KDM3B: variants seen among roughly 807,000 people sequenced by gnomAD.
The protein encoded by KDM3B is lysine-specific demethylase 3B.
In KDM3B, 10 loss-of-function variants were observed where a neutral mutation model predicts 170.0. That is an observed-to-expected ratio of 0.06 (90% CI 0.04 to 0.10). KDM3B has a LOEUF of 0.10. Ranked by LOEUF, KDM3B falls within the 10% of genes least tolerant of loss-of-function variation. The probability of loss-of-function intolerance (pLI) is 1.00; values close to 1 mark genes in which losing one functional copy is unlikely to be tolerated. For synonymous variants in KDM3B, 831 were observed against 834.8 expected, an observed-to-expected ratio of 1.00 and a Z score of 0.08; for missense variants, 1,394 against 2,195.2, an observed-to-expected ratio of 0.64 and a Z score of 7.29.
In KDM3B at chr5:138,436,097, A is replaced by C; in HGVS notation, c.*397A>C. On this transcript the variant is annotated 3_prime_UTR_variant, in exon 24 of 24. Coordinates refer to ENST00000314358, the MANE Select transcript of KDM3B (RefSeq NM_016604.4). ...ATAGGGGAAATCACATAACTGGTAC[A>C]AGTATGGGGTAATTGCTTAAACATG... The C allele has an allele frequency of 4.8e-6, 1 of 210,470 alleles. No individual in the cohort carries two copies. Among genetic ancestry groups the C allele is most frequent in the South Asian group, 7.7e-5 (1 of 12,924 alleles). The allele number at this position is 210,470 out of a possible 1,614,324, so 13.0% of individuals were successfully genotyped here. A position where few individuals can be genotyped will look rare whatever the true frequency, so the allele number is the denominator to read the frequency against.
chr5:138,398,029 C>T, intron 9 of KDM3B, 149 bp from the exon 10 acceptor site: 1 of 604,464 alleles, frequency 1.7e-6, no homozygotes, highest in South Asian at 2.1e-5. Flanking sequence ...TTACTATTAG[C>T]AGAGAATGCA....
chr5:138,400,025 T>G lies in KDM3B; in HGVS notation c.3199+13T>G, dbSNP rs775580179. The stretch of plus-strand genomic sequence containing the variant: ...CGGCCACGCAGTGGTAAGTAAACAT[T>G]GTCCTGTGTAGCTCGAAAGGTAACG... On this transcript the variant is annotated intron_variant, in intron 11 of 23. Transcript: ENST00000314358. 6.2e-7 allele frequency: 1 copy of G among 1,613,658 alleles called. No homozygotes were observed. The highest frequency in any genetic ancestry group is 1.7e-5 in the Admixed American group (1 of 59,990).
intron 1 of KDM3B, among the ~76,000 whole-genome samples, chr5:138,360,890 C>A (rs764520423): frequency 2.6e-5 from 4 of 152,178 alleles, no homozygotes; most frequent in Non-Finnish European, 4.4e-5. Flanking sequence ...CCACGCCCGG[C>A]CATTAATTTC....
rs766058978 is a variant in KDM3B, at chr5:138,424,210, G to A, written c.4108G>A (p.Val1370Met). ...TDTQKEVKEM[V>M]MGLNVLDPHT... ...TACCCAGAAGGAAGTGAAGGAGATG[G>A]TGATGGGGTTAAATGTGCTAGATCC... The change falls in exon 16 of 24, where the codon GTG (valine) becomes ATG (methionine). Residue 1370 changes from valine (V) to methionine (M), a missense_variant. Physicochemically the swap from Val to Met is conservative, Grantham distance 21. Transcript: ENST00000314358. 1.2e-6 allele frequency: 2 copies of A among 1,614,054 alleles called. No individual in the cohort carries two copies. Among genetic ancestry groups the A allele is most frequent in the African/African-American group, 1.3e-5 (1 of 74,908 alleles).
intron 6 of KDM3B, among the ~76,000 whole-genome samples, chr5:138,384,740 C>CA (rs58389517): frequency 0.013 from 1,065 of 85,050 alleles, 10 homozygotes; most frequent in Non-Finnish European, 0.016. Context: ...ACTCTTGTCT[C>CA]AAAAAAAAAA....
At chr5:138,379,117 A>G (rs1264292462) in intron 4 of KDM3B, among the ~76,000 whole-genome samples, 1 of 152,172 alleles carries the variant, frequency 6.6e-6, no homozygotes, top group Non-Finnish European at 1.5e-5. Context: ...ACTGTTATTG[A>G]AAGTCAGATA....
chr5:138,419,410 C>CT (rs1379312828), intron 14 of KDM3B, among the ~76,000 whole-genome samples, 178 bp downstream of exon 14: 4 of 152,038 alleles, frequency 2.6e-5, no homozygotes, highest in African/African-American at 9.7e-5. Flanking sequence ...AATCCCAGCA[C>CT]TTTGGGAGGC....
At chr5:138,416,579 ACT>A (rs1455260357) in intron 12 of KDM3B, among the ~76,000 whole-genome samples, 1 of 125,022 alleles carries the variant, frequency 8.0e-6, no homozygotes, top group African/African-American at 3.1e-5. Context: ...ATACGGTGAG[ACT>A]CTGTCTCAAA....
chr5:138,414,006 T>C (rs571253635), intron 11 of KDM3B, among the ~76,000 whole-genome samples: 31 of 152,262 alleles, frequency 2.0e-4, no homozygotes, highest in African/African-American at 5.1e-4. Context: ...TTATGATACA[T>C]TGCTGCCATG....
intron 11 of KDM3B, among the ~76,000 whole-genome samples, chr5:138,407,161 T>C (rs891194456): frequency 1.3e-5 from 2 of 151,950 alleles, no homozygotes; most frequent in Non-Finnish European, 2.9e-5. Flanking sequence ...AATTTCTGTA[T>C]TTTTAGTAGA....
chr5:138,360,411 C>G (rs769646322), intron 1 of KDM3B, among the ~76,000 whole-genome samples: 40 of 152,088 alleles, frequency 2.6e-4, no homozygotes, highest in Admixed American at 5.2e-4. Context: ...TAAGCACACT[C>G]ATCATCTTAA....
chr5:138,415,279 T>C (rs1763073313), intron 12 of KDM3B, 40 bp downstream of exon 12: 1 of 1,410,338 alleles, frequency 7.1e-7, no homozygotes, highest in Non-Finnish European at 1.0e-6. Flanking sequence ...GAAGAAATGT[T>C]TTTAGTTGAG....
chr5:138,419,700 T>TAC (rs1217165992), intron 14 of KDM3B, among the ~76,000 whole-genome samples: 2 of 124,092 alleles, frequency 1.6e-5, no homozygotes, highest in Non-Finnish European at 3.3e-5. Flanking sequence ...CATATATATA[T>TAC]ACACACACAC....
rs772627238 is a variant in KDM3B at position 138,425,595 on chromosome 5, C to T, written c.4411+13C>T. On this transcript the variant is annotated intron_variant, in intron 17 of 23. Coordinates refer to ENST00000314358, the MANE Select transcript of KDM3B (RefSeq NM_016604.4). ...GAGATCATATGCAGTAAGTAGCTTT[C>T]ATATCTAGTTCAGTGATAGCAGACT... 6.2e-7 allele frequency: 1 copy of T among 1,611,598 alleles called. No individual in the cohort carries two copies. Among genetic ancestry groups the T allele is most frequent in the South Asian group, 1.1e-5 (1 of 90,824 alleles).
intron 11 of KDM3B, among the ~76,000 whole-genome samples, chr5:138,400,217 T>A (rs1305612323): frequency 3.3e-5 from 5 of 152,134 alleles, no homozygotes; most frequent in Middle Eastern, 3.4e-3. Context: ...TTATTCTTAA[T>A]TTTTCCTTGG....
Position 138,391,207 on chromosome 5 carries a change from G to A in KDM3B, c.1575G>A (p.Leu525=), listed in dbSNP as rs1330648001. The change falls in exon 8 of 24, where the codon TTG becomes TTA. Residue 525 remains leucine (L), a synonymous_variant. Transcript: ENST00000314358. This position sits in a 1 kb window ranked among gnomAD's most constrained non-coding sequence, Gnocchi z 5.0. ...AAGACACTGATCTCTCCAAAAACTT[G>A]TTTTTTCAATGCATGTCCCAAACTT... ...AQKDTDLSKN[L]FFQCMSQTLP... is the part of the protein sequence containing the mutation. The A allele has an allele frequency of 1.9e-6, 3 of 1,613,806 alleles. No homozygotes were observed. Among genetic ancestry groups the A allele is most frequent in the Non-Finnish European group, 2.5e-6 (3 of 1,179,924 alleles).
chr5:138,383,244 T>C (rs1762170233), intron 6 of KDM3B, among the ~76,000 whole-genome samples: 1 of 151,970 alleles, frequency 6.6e-6, no homozygotes, highest in African/African-American at 2.4e-5. Flanking sequence ...GTTCAAGTGA[T>C]TCTTCTGTCT....
At chr5:138,363,837 C>T (rs1355496437) in intron 1 of KDM3B, among the ~76,000 whole-genome samples, 1 of 152,026 alleles carries the variant, frequency 6.6e-6, no homozygotes, top group African/African-American at 2.4e-5. Context: ...TGAGCCATTG[C>T]GCCTGGCCTC....
intron 1 of KDM3B, among the ~76,000 whole-genome samples, chr5:138,358,223 T>C (rs773638036): frequency 7.9e-5 from 12 of 151,640 alleles, no homozygotes; most frequent in Non-Finnish European, 1.8e-4. Context: ...CCTTAGGTGA[T>C]CTGCCTGCCT....
Sources: allele counts gnomAD v4.1 joint callset (sites outside exome capture counted in the v4.1 genomes callset), GRCh38; gene constraint gnomAD v4.1.1; non-coding constraint Gnocchi (gnomAD v3.1); transcripts MANE v1.5; gene names NCBI Gene and HGNC (gene_info 2026-07-23, HGNC 2026-07-21).